The following HMGB1 variants were observed in gnomAD, a reference collection of about 807,000 sequenced individuals.
HMGB1 encodes the protein high mobility group box 1, also known as high mobility group protein B1.
For synonymous variants in HMGB1, 81 were observed against 84.0 expected (o/e 0.96, Z 0.19); for missense variants, 79 against 253.5 (o/e 0.31, Z 4.67).
chr13:30,558,647 C>G (rs1343946099), intron 1 of HMGB1, among the ~76,000 whole-genome samples: 1 of 152,142 alleles, frequency 6.6e-6, no homozygotes, highest in Non-Finnish European at 1.5e-5. Context: ...GCTATGAAAC[C>G]TTCCTTTTTC....
intron 1 of HMGB1, among the ~76,000 whole-genome samples, chr13:30,545,132 T>C (rs1869090114): frequency 1.3e-5 from 2 of 152,120 alleles, no homozygotes; most frequent in South Asian, 4.1e-4. Context: ...TTTCCCCACA[T>C]GCATGGTGAT....
Position 30,471,654 on chromosome 13 carries a change from C to CTTTT in HMGB1, c.-14-7964_-14-7961dup, listed in dbSNP as rs1171119586. On this transcript the variant is annotated intron_variant, in intron 1 of 4. Coordinates refer to the HMGB1 transcript ENST00000405805. Reference sequence around the variant, plus strand: ...ACAGGCATGAGCCACCGTGCCCGGCCTTTTTTTTTTTTTTTTTTTTTTTTT... The same window carrying CTTTT: ...ACAGGCATGAGCCACCGTGCCCGGCCTTTTTTTTTTTTTTTTTTTTTTTTTTTTT... Among the ~76,000 whole-genome samples the CTTTT allele has an allele frequency of 3.6e-3, 110 of 30,616 alleles. 11 individuals carry two copies. The highest frequency in any genetic ancestry group is 4.7e-3 in the Non-Finnish European group (83 of 17,656). The allele number at this position is 30,616 out of a possible 152,430, so 20.1% of individuals were successfully genotyped here.
chr13:30,506,037 T>C (rs915384868), intron 1 of HMGB1, among the ~76,000 whole-genome samples: 4 of 152,100 alleles, frequency 2.6e-5, no homozygotes, highest in African/African-American at 9.6e-5. Context: ...TGGAGACAGA[T>C]TTGAGAAGAG....
At chr13:30,610,889 T>A (rs990465874) in intron 1 of HMGB1, among the ~76,000 whole-genome samples, 1 of 152,184 alleles carries the variant, frequency 6.6e-6, no homozygotes, top group East Asian at 1.9e-4. Flanking sequence ...AGACCACCAG[T>A]GGCTTAAAAA....
intron 1 of HMGB1, among the ~76,000 whole-genome samples, chr13:30,555,147 T>C (rs1593309420): frequency 7.1e-6 from 1 of 141,258 alleles, no homozygotes; most frequent in East Asian, 2.4e-4. Flanking sequence ...GTTCACGCCA[T>C]TCTCCTGCCT....
At chr13:30,567,600 T>A (rs1057327678) in intron 1 of HMGB1, among the ~76,000 whole-genome samples, 9 of 152,196 alleles carry the variant, frequency 5.9e-5, no homozygotes, top group Non-Finnish European at 1.2e-4. Flanking sequence ...TCCGCCCGCC[T>A]CGGCCTCCCA....
chr13:30,464,273 C>G, intron 1 of HMGB1: 1 of 985,470 alleles, frequency 1.0e-6, no homozygotes, highest in South Asian at 4.7e-5. Flanking sequence ...GGTGCCACCG[C>G]GAGGCAGCCT....
intron 1 of HMGB1, among the ~76,000 whole-genome samples, chr13:30,612,411 G>C (rs932141849): frequency 1.3e-5 from 2 of 152,200 alleles, no homozygotes; most frequent in African/African-American, 4.8e-5. Flanking sequence ...AGCATTGTCA[G>C]CAGGTAGCTA....
intron 1 of HMGB1, among the ~76,000 whole-genome samples, chr13:30,502,181 G>A (rs1887748336): frequency 6.6e-6 from 1 of 152,154 alleles, no homozygotes; most frequent in Admixed American, 6.5e-5. Flanking sequence ...AAGTTATTAT[G>A]TACTCCACTT....
chr13:30,608,594 T>C (rs911386496), intron 1 of HMGB1, among the ~76,000 whole-genome samples: 40 of 152,204 alleles, frequency 2.6e-4, no homozygotes, highest in African/African-American at 9.7e-4. Flanking sequence ...CTCGGCCAAC[T>C]TCCTCTCTTC....
intron 1 of HMGB1, among the ~76,000 whole-genome samples, chr13:30,550,559 T>C (rs1593306626): frequency 6.6e-6 from 1 of 152,314 alleles, no homozygotes; most frequent in East Asian, 1.9e-4. Flanking sequence ...CTATCATTCA[T>C]TTGCCTCTTT....
In HMGB1 at chr13:30,557,381, C is replaced by G. The variant is rs150836006; in HGVS notation, c.-15+59290G>C. 5.7e-3 allele frequency among the ~76,000 whole-genome samples: 864 copies of G among 152,226 alleles called. 10 individuals carry two copies. The highest frequency in any genetic ancestry group is 0.019 in the African/African-American group (799 of 41,530). On this transcript the variant is annotated intron_variant, in intron 1 of 4. Coordinates refer to the HMGB1 transcript ENST00000405805. Reference sequence around the variant, plus strand: ...CGAGTTCCAGAGCTAAAAAGAATGCCTAGTCTATGTTCCTTTGCGTTTTTG... The same window carrying G: ...CGAGTTCCAGAGCTAAAAAGAATGCGTAGTCTATGTTCCTTTGCGTTTTTG...
chr13:30,535,613 G>A (rs576826991), intron 1 of HMGB1, among the ~76,000 whole-genome samples: 1 of 152,262 alleles, frequency 6.6e-6, no homozygotes, highest in Admixed American at 6.5e-5. Context: ...AAACCTGCAG[G>A]GCACAGGGAC....
intron 1 of HMGB1, among the ~76,000 whole-genome samples, chr13:30,495,480 CTTT>C (rs68170969): frequency 1.2e-4 from 16 of 134,456 alleles, no homozygotes; most frequent in Middle Eastern, 3.8e-3. Context: ...TTTTTCTTTT[CTTT>C]TTTTTTTTTT....
chr13:30,557,369 T>A (rs1176071255), intron 1 of HMGB1, among the ~76,000 whole-genome samples: 1 of 152,216 alleles, frequency 6.6e-6, no homozygotes, highest in Non-Finnish European at 1.5e-5. Flanking sequence ...GTTCCAGAGC[T>A]AAAAAGAATG....
intron 1 of HMGB1, chr13:30,553,671 A>G (rs973240315): frequency 5.1e-6 from 4 of 780,250 alleles, no homozygotes; most frequent in Non-Finnish European, 8.9e-6. Flanking sequence ...TGTCCCAGCC[A>G]TGCCCACCAT....
At chr13:30,548,194 G>A (rs1217848242) in intron 1 of HMGB1, among the ~76,000 whole-genome samples, 4 of 152,100 alleles carry the variant, frequency 2.6e-5, no homozygotes, top group African/African-American at 9.7e-5. Flanking sequence ...GAATCATGGG[G>A]GTGGTTACCC....
chr13:30,586,056 T>C (rs374339032), intron 1 of HMGB1, among the ~76,000 whole-genome samples: 3 of 152,310 alleles, frequency 2.0e-5, no homozygotes, highest in South Asian at 2.1e-4. Flanking sequence ...CCTCCTGTTT[T>C]CTAATTTTTT....
At chr13:30,539,723 G>T (rs1462853896) in intron 1 of HMGB1, 5 of 174,128 alleles carry the variant, frequency 2.9e-5, no homozygotes, top group Middle Eastern at 1.9e-3. Context: ...GGGGAGTGGT[G>T]GGGGTGGCAG....
Sources: gnomAD v4.1 joint callset for allele counts (sites outside exome capture counted in the v4.1 genomes callset) on GRCh38, gnomAD v4.1.1 for gene constraint, MANE v1.5 for transcripts, NCBI Gene and HGNC (gene_info 2026-07-23, HGNC 2026-07-21) for gene names.